RAB38: variants seen among roughly 807,000 people sequenced by gnomAD.
RAB38 encodes RAB38, member RAS oncogene family, also known as ras-related protein Rab-38.
A neutral mutation model predicts 18.4 loss-of-function variants in RAB38; 15 were observed. That is an observed-to-expected ratio of 0.82 (90% CI 0.55 to 1.26). RAB38 has a LOEUF of 1.26. RAB38 is among the 50% of genes most tolerant of loss of function. The pLI, the probability that RAB38 is intolerant of heterozygous loss-of-function variation, is 0.00. For missense variants in RAB38, 294 were observed against 267.4 expected, an observed-to-expected ratio of 1.10 and a Z score of -0.69; for synonymous variants, 101 against 104.4, an observed-to-expected ratio of 0.97 and a Z score of 0.20.
the RAB38 span, among the ~76,000 whole-genome samples, chr11:87,839,639 A>G: frequency 6.6e-6 from 1 of 152,222 alleles, no homozygotes; most frequent in Admixed American, 6.5e-5. Flanking sequence ...TTTAACTGTC[A>G]ATCTTATCAG....
At chr11:87,838,068 T>C in the RAB38 span, among the ~76,000 whole-genome samples, 1 of 152,138 alleles carries the variant, frequency 6.6e-6, no homozygotes, top group Non-Finnish European at 1.5e-5. Context: ...GTGCAGCACT[T>C]CCCAATAATA....
the RAB38 span, among the ~76,000 whole-genome samples, chr11:88,031,785 G>A: frequency 3.3e-5 from 5 of 152,064 alleles, no homozygotes; most frequent in Non-Finnish European, 5.9e-5. Context: ...AATCAATATC[G>A]TGAAAATGGC....
At chr11:88,175,158 CCT>C (rs1472992559) in intron 1 of RAB38, 23 bp downstream of exon 1, 1 of 1,563,986 alleles carries the variant, frequency 6.4e-7, no homozygotes, top group East Asian at 2.3e-5. Context: ...GCTCTATCCC[CCT>C]GACCCCCTCC....
At chr11:87,943,155 T>G in the RAB38 span, among the ~76,000 whole-genome samples, 1 of 152,134 alleles carries the variant, frequency 6.6e-6, no homozygotes, top group South Asian at 2.1e-4. Flanking sequence ...TTGTCAGAAT[T>G]CAGCATTTTT....
the RAB38 span, among the ~76,000 whole-genome samples, chr11:88,055,983 A>G: frequency 6.6e-6 from 1 of 151,880 alleles, no homozygotes; most frequent in Non-Finnish European, 1.5e-5. Flanking sequence ...ACTGCTACTT[A>G]GGTGCCATTT....
chr11:88,013,071 C>G, the RAB38 span, among the ~76,000 whole-genome samples: 6 of 152,114 alleles, frequency 3.9e-5, no homozygotes, highest in African/African-American at 9.7e-5. Flanking sequence ...ATGGTTCTTT[C>G]CAGGTCTGAC....
intron 1 of RAB38, among the ~76,000 whole-genome samples, chr11:88,154,426 G>T (rs901917392): frequency 6.6e-6 from 1 of 152,200 alleles, no homozygotes; most frequent in South Asian, 2.1e-4. Flanking sequence ...TGATAAAGCT[G>T]CAGTTTCTAC....
At chr11:87,971,825 C>CT in the RAB38 span, among the ~76,000 whole-genome samples, 2 of 152,056 alleles carry the variant, frequency 1.3e-5, no homozygotes, top group Non-Finnish European at 2.9e-5. Flanking sequence ...TCACTCTACT[C>CT]TAAAACAATA....
the RAB38 span, among the ~76,000 whole-genome samples, chr11:88,105,166 C>A: frequency 6.6e-6 from 1 of 151,894 alleles, no homozygotes; most frequent in Non-Finnish European, 1.5e-5. Flanking sequence ...ATACACCTTC[C>A]TCTATTACAC....
At chr11:88,029,636 C>A in the RAB38 span, among the ~76,000 whole-genome samples, 730 of 152,116 alleles carry the variant, frequency 4.8e-3, 6 homozygotes, top group African/African-American at 0.016. Flanking sequence ...ACAAAGAAGG[C>A]CATTACATAA....
chr11:88,124,906 G>A (rs549429612), intron 2 of RAB38, among the ~76,000 whole-genome samples: 82 of 152,256 alleles, frequency 5.4e-4, no homozygotes, highest in Non-Finnish European at 7.6e-4. Flanking sequence ...ATTCATCAAA[G>A]GCTTTACAAT....
Position 88,132,583 on chromosome 11 carries a change from G to A in RAB38, c.483+17092C>T, listed in dbSNP as rs559657385. Among the ~76,000 whole-genome samples the A allele has an allele frequency of 3.9e-5, 6 of 152,230 alleles. No individual in the cohort carries two copies. The South Asian group carries it at 6.2e-4, about 16-fold the overall frequency. ...AGTGATTCTCCTGCCTCAGCCTCAC[G>A]AGTAGCTGGGATTACAAGCATGCGC... On this transcript the variant is annotated intron_variant, in intron 2 of 2. Transcript: ENST00000243662.
the RAB38 span, among the ~76,000 whole-genome samples, chr11:87,833,114 G>A: frequency 0.043 from 6,478 of 152,172 alleles, 444 homozygotes; most frequent in African/African-American, 0.14. Flanking sequence ...TCACAGGGCA[G>A]CCAGAGTGAT....
chr11:87,865,653 A>G, the RAB38 span, among the ~76,000 whole-genome samples: 2 of 151,648 alleles, frequency 1.3e-5, no homozygotes, highest in African/African-American at 4.8e-5. Context: ...GGAAGCTAAT[A>G]CATGATCAAG....
At chr11:87,853,027 G>A in the RAB38 span, among the ~76,000 whole-genome samples, 22 of 152,174 alleles carry the variant, frequency 1.4e-4, no homozygotes, top group African/African-American at 5.1e-4. Flanking sequence ...TAATTGCTAG[G>A]GAAAATTTTA....
At chr11:87,918,470 A>T in the RAB38 span, among the ~76,000 whole-genome samples, 1 of 152,130 alleles carries the variant, frequency 6.6e-6, no homozygotes. Context: ...GTTTCCCATA[A>T]TGATGTATTA....
At chr11:88,158,939 A>G (rs550768246) in intron 1 of RAB38, among the ~76,000 whole-genome samples, 1 of 152,218 alleles carries the variant, frequency 6.6e-6, no homozygotes, top group South Asian at 2.1e-4. Flanking sequence ...AAGAGAAAGA[A>G]ATAAAAAAAT....
intron 1 of RAB38, chr11:88,174,182 G>A (rs1943347106): frequency 2.6e-6 from 2 of 784,124 alleles, no homozygotes; most frequent in African/African-American, 1.9e-5. Context: ...CTGAGCTGAA[G>A]AGACTTGTCC....
chr11:88,003,684 A>G, the RAB38 span, among the ~76,000 whole-genome samples: 23 of 5,934 alleles, frequency 3.9e-3, 11 homozygotes, highest in African/African-American at 0.015. Flanking sequence ...TATATATTAT[A>G]TATATTATAT....
Sources: allele counts gnomAD v4.1 joint callset (sites outside exome capture counted in the v4.1 genomes callset), GRCh38; gene constraint gnomAD v4.1.1; transcripts MANE v1.5; gene names NCBI Gene and HGNC (gene_info 2026-07-23, HGNC 2026-07-21).